The following CES4A variants were observed in gnomAD, a reference collection of about 807,000 sequenced individuals.
CES4A encodes carboxylesterase 6.
A neutral mutation model predicts 65.4 loss-of-function variants in CES4A; 48 were observed. That is an observed-to-expected ratio of 0.73 (90% CI 0.58 to 0.93). The LOEUF (loss-of-function observed/expected upper bound fraction) is 0.93. Ranked by LOEUF, CES4A falls within the 40% of genes least tolerant of loss-of-function variation. CES4A has a pLI of 0.00. For missense variants in CES4A, 685 were observed against 728.5 expected, an observed-to-expected ratio of 0.94 and a Z score of 0.69; for synonymous variants, 247 against 281.8, an observed-to-expected ratio of 0.88 and a Z score of 1.24.
At chr16:67,005,148 T>C in intron 10 of CES4A, 92 bp from the exon 11 acceptor site, 1 of 1,364,820 alleles carries the variant, frequency 7.3e-7, no homozygotes, top group Non-Finnish European at 1.0e-6. Context: ...CAAAAACTCC[T>C]GGGGGGCTGA....
Position 67,000,690 on chromosome 16 carries a change from G to A in CES4A, c.313G>A (p.Glu105Lys), listed in dbSNP as rs758980122. 1 of 1,550,650 alleles carries A rather than the reference G, an allele frequency of 6.4e-7. No homozygotes were observed. The highest frequency in any genetic ancestry group is 1.2e-5 in the South Asian group (1 of 84,052). Residue 105 changes from glutamate (E) to lysine (K), a missense_variant, in exon 3 of 14, where the codon GAA becomes AAA. Coordinates refer to ENST00000648724, the Ensembl canonical transcript of CES4A. This position sits in a 1 kb window ranked among gnomAD's most constrained non-coding sequence, Gnocchi z 4.2. Reference sequence around the variant, plus strand: ...GGCCTCGATGTACGTCAGCACGCGGGAACGGTACAAGTGGCTGCGCTTCAG... The same window carrying A: ...GGCCTCGATGTACGTCAGCACGCGGAAACGGTACAAGTGGCTGCGCTTCAG...
chr16:67,001,014 G>T lies in CES4A; in HGVS notation c.536+24G>T. On this transcript the variant is annotated intron_variant, in intron 4 of 13. Transcript: ENST00000648724. This position sits in a 1 kb window ranked among gnomAD's most constrained non-coding sequence, Gnocchi z 4.1. ...AGGTGGCGGGGCCGGTACCCTTTGG[G>T]ACCGCAGCTGTGGCCAGAGCGGCGG... The T allele has an allele frequency of 6.4e-7, 1 of 1,557,100 alleles. No individual in the cohort carries two copies. Among genetic ancestry groups the T allele is most frequent in the South Asian group, 1.1e-5 (1 of 90,116 alleles).
Position 66,999,365 on chromosome 16 carries a change from C to G in CES4A, c.261-1273C>G, listed in dbSNP as rs561484116. 6.6e-4 allele frequency among the ~76,000 whole-genome samples: 100 copies of G among 152,332 alleles called. 1 individual carries two copies. The highest frequency in any genetic ancestry group is 1.2e-3 in the Non-Finnish European group (83 of 68,036). ...CCGGAGAGCCCATGCTACAAAAATACCCCAAATATCCACACAGTATAAGGC... is the reference window on the plus strand; with the variant it reads ...CCGGAGAGCCCATGCTACAAAAATAGCCCAAATATCCACACAGTATAAGGC... On this transcript the variant is annotated intron_variant, in intron 2 of 13. Coordinates refer to ENST00000648724, the Ensembl canonical transcript of CES4A.
At chr16:67,005,895 G>A (rs1965723568) in intron 11 of CES4A, 3 of 172,880 alleles carry the variant, frequency 1.7e-5, no homozygotes, top group African/African-American at 7.2e-5. Flanking sequence ...TCTTCCTTAG[G>A]AACAAGGGCA....
intron 1 of CES4A, among the ~76,000 whole-genome samples, chr16:66,990,047 CTT>C (rs1009395226): frequency 1.6e-5 from 2 of 121,438 alleles, no homozygotes; most frequent in Admixed American, 8.5e-5. Context: ...TTCATCTTTT[CTT>C]TTTTTTTTTT....
At chr16:66,996,671 A>G (rs1964882696) in intron 2 of CES4A, among the ~76,000 whole-genome samples, 1 of 152,234 alleles carries the variant, frequency 6.6e-6, no homozygotes, top group Non-Finnish European at 1.5e-5. Flanking sequence ...TCAGTTGGTT[A>G]AAGCACAGGG....
At chr16:66,989,706 C>G (rs893349266) in intron 1 of CES4A, among the ~76,000 whole-genome samples, 2 of 151,886 alleles carry the variant, frequency 1.3e-5, no homozygotes, top group Admixed American at 1.3e-4. Flanking sequence ...AAATACAAAA[C>G]TAGCCAGGCA....
chr16:67,001,241 GGAGGGCAGCCCAACGCGCCCCGACTGTC>G lies in CES4A; in HGVS notation c.537-62_537-35del. The G allele has an allele frequency of 1.3e-6, 2 of 1,497,342 alleles. No individual in the cohort carries two copies. Among genetic ancestry groups the G allele is most frequent in the Non-Finnish European group, 1.8e-6 (2 of 1,125,394 alleles). The allele number at this position is 1,497,342 out of a possible 1,614,324, so 92.8% of individuals were successfully genotyped here. A position where few individuals can be genotyped will look rare whatever the true frequency, so the allele number is the denominator to read the frequency against. ...GGCTGGGCTGGGTGGGGGAAGCCCA[GGAGGGCAGCCCAACGCGCCCCGACTGTC>G]GAGGCCCGGGACCCTGACAGTGAAC... On this transcript the variant is annotated intron_variant, in intron 4 of 13. Coordinates refer to ENST00000648724, the Ensembl canonical transcript of CES4A. This position sits in a 1 kb window ranked among gnomAD's most constrained non-coding sequence, Gnocchi z 4.1.
At chr16:67,008,822 C>T (rs2145681049) in intron 13 of CES4A, 152 bp from the exon 14 acceptor site, 1 of 768,270 alleles carries the variant, frequency 1.3e-6, no homozygotes, top group East Asian at 2.5e-5. Flanking sequence ...CCAATACACA[C>T]TTTCCTACTC....
intron 5 of CES4A, among the ~76,000 whole-genome samples, chr16:67,002,757 C>T (rs914165459): frequency 3.3e-5 from 5 of 152,090 alleles, no homozygotes; most frequent in African/African-American, 1.2e-4. Flanking sequence ...CCTGGGGAAA[C>T]CATGAGGTCC....
At chr16:67,010,051 C>A (rs1047836268), downstream of CES4A, among the ~76,000 whole-genome samples, 1 of 150,326 alleles carries the variant, frequency 6.7e-6, no homozygotes, top group Non-Finnish European at 1.5e-5. Flanking sequence ...AGTTTTGTTT[C>A]GTTGTTTTGT....
At chr16:66,999,540 G>A (rs1481883325) in intron 2 of CES4A, among the ~76,000 whole-genome samples, 1 of 152,210 alleles carries the variant, frequency 6.6e-6, no homozygotes, top group Non-Finnish European at 1.5e-5. Context: ...GGTGGCTCAT[G>A]CCTATAATCC....
At position 67,009,014 on chromosome 16, in the gene CES4A, A is replaced by T. The variant is rs377068969; in HGVS notation, c.1558A>T (p.Asn520Tyr). The T allele has an allele frequency of 1.9e-5, 31 of 1,614,150 alleles. No individual in the cohort carries two copies. The East Asian group carries it at 6.7e-4, about 35-fold the overall frequency. ...GAATCTGCCCTGCTGGCCACGCTACAACAAGGATGAAAAGTACCTGCAGCT... is the reference window on the plus strand; with the variant it reads ...GAATCTGCCCTGCTGGCCACGCTACTACAAGGATGAAAAGTACCTGCAGCT... The change falls in exon 14 of 14, where the codon AAC becomes TAC. Residue 520 changes from asparagine (N) to tyrosine (Y), a missense_variant. Asn to Tyr is a moderately radical substitution (Grantham distance 143, BLOSUM62 -2). Transcript: ENST00000648724.
chr16:66,990,494 C>T (rs1964303683), intron 1 of CES4A, among the ~76,000 whole-genome samples: 1 of 152,032 alleles, frequency 6.6e-6, no homozygotes, highest in Non-Finnish European at 1.5e-5. Context: ...CTCAGGAGTT[C>T]AAGACCAGCC....
Position 67,001,842 on chromosome 16 carries a change from G to A in CES4A, c.690+381G>A, listed in dbSNP as rs1034251893. On this transcript the variant is annotated intron_variant, in intron 5 of 13. Transcript: ENST00000648724. This position sits in a 1 kb window ranked among gnomAD's most constrained non-coding sequence, Gnocchi z 4.1. The stretch of plus-strand genomic sequence containing the variant: ...CTGCAAGCCAGGGGCATGAGTTGAC[G>A]GGCTTTGCCCCTGACTCCTGTGTGA... Among the ~76,000 whole-genome samples, 2 of 152,366 alleles carry A rather than the reference G, an allele frequency of 1.3e-5. No homozygotes were observed. Among genetic ancestry groups the A allele is most frequent in the Non-Finnish European group, 2.9e-5 (2 of 68,036 alleles).
chr16:66,990,051 T>TC (rs1020810007), intron 1 of CES4A, among the ~76,000 whole-genome samples: 5 of 143,056 alleles, frequency 3.5e-5, no homozygotes, highest in African/African-American at 1.0e-4. Flanking sequence ...TCTTTTCTTT[T>TC]TTTTTTTTTT....
At chr16:66,993,951 A>G (rs1964598200) in intron 1 of CES4A, among the ~76,000 whole-genome samples, 1 of 151,372 alleles carries the variant, frequency 6.6e-6, no homozygotes, top group Non-Finnish European at 1.5e-5. Context: ...AATACAAAAA[A>G]TTAGCCGGGC....
intron 1 of CES4A, among the ~76,000 whole-genome samples, chr16:66,994,579 T>A (rs914026218): frequency 1.3e-5 from 2 of 150,626 alleles, no homozygotes; most frequent in Non-Finnish European, 3.0e-5. Context: ...CGGTGGCTCA[T>A]GCCTATAATC....
intron 1 of CES4A, among the ~76,000 whole-genome samples, chr16:66,989,330 T>C (rs1394611454): frequency 6.6e-6 from 1 of 151,726 alleles, no homozygotes; most frequent in Non-Finnish European, 1.5e-5. Context: ...ATCTTCACTG[T>C]ATAATTATAT....
Sources: allele counts gnomAD v4.1 joint callset (sites outside exome capture counted in the v4.1 genomes callset), GRCh38; gene constraint gnomAD v4.1.1; non-coding constraint Gnocchi (gnomAD v3.1); transcripts MANE v1.5; gene names NCBI Gene and HGNC (gene_info 2026-07-23, HGNC 2026-07-21).